CTNND2: variants seen among roughly 807,000 people sequenced by gnomAD.
CTNND2 encodes catenin delta-2.
CTNND2 carries 22 observed loss-of-function variants against 144.4 expected under a neutral mutation model. The ratio of observed to expected loss-of-function variants is 0.15; its 90% CI spans 0.11 to 0.22. The LOEUF (loss-of-function observed/expected upper bound fraction) is 0.22. Among genes scored for constraint, CTNND2 ranks in the 10% least tolerant of loss-of-function variants. CTNND2 has a pLI of 1.00. For synonymous variants in CTNND2, 751 were observed against 695.6 expected (o/e 1.08, Z -1.25); for missense variants, 1,353 against 1,618.8 (o/e 0.84, Z 2.82).
chr5:11,008,406 A>C (rs985067844), intron 18 of CTNND2, among the ~76,000 whole-genome samples: 1 of 152,210 alleles, frequency 6.6e-6, no homozygotes, highest in Non-Finnish European at 1.5e-5. Context: ...TAAGCAAAGA[A>C]ATTTCAAAGA....
At chr5:11,470,893 G>T (rs532093066) in intron 3 of CTNND2, among the ~76,000 whole-genome samples, 1 of 141,844 alleles carries the variant, frequency 7.1e-6, no homozygotes, top group South Asian at 2.3e-4. Context: ...GGCAGAGCTG[G>T]GTTTCAACCA....
intron 3 of CTNND2, among the ~76,000 whole-genome samples, chr5:11,511,483 A>AGG (rs1002826957): frequency 6.6e-6 from 1 of 152,158 alleles, no homozygotes; most frequent in African/African-American, 2.4e-5. Flanking sequence ...ACAAAAACCC[A>AGG]GGACCCCTCA....
chr5:11,185,174 G>A (rs1040411210), intron 11 of CTNND2, among the ~76,000 whole-genome samples: 3 of 152,184 alleles, frequency 2.0e-5, no homozygotes, highest in Non-Finnish European at 4.4e-5. Flanking sequence ...CATTTCAAAT[G>A]TTGCTTTCTT....
chr5:11,288,389 T>G (rs1003786986), intron 9 of CTNND2, among the ~76,000 whole-genome samples: 2 of 151,684 alleles, frequency 1.3e-5, no homozygotes, highest in African/African-American at 4.9e-5. Flanking sequence ...TTTAACACCA[T>G]GTCAATTATG....
chr5:11,890,666 A>G (rs1414320577), intron 1 of CTNND2, among the ~76,000 whole-genome samples: 6 of 152,224 alleles, frequency 3.9e-5, no homozygotes, highest in Non-Finnish European at 7.3e-5. Context: ...TTAATGATCA[A>G]CCTTCGAGGA....
chr5:11,285,088 A>G (rs1580796126), intron 9 of CTNND2, among the ~76,000 whole-genome samples: 1 of 152,180 alleles, frequency 6.6e-6, no homozygotes, highest in Non-Finnish European at 1.5e-5. Context: ...GAGAACTCCC[A>G]CCTTTGATAT....
At chr5:11,529,811 G>C (rs1773575072) in intron 3 of CTNND2, among the ~76,000 whole-genome samples, 2 of 152,018 alleles carry the variant, frequency 1.3e-5, no homozygotes, top group African/African-American at 4.8e-5. Context: ...GGATTTGAGA[G>C]ATCTTGCCTT....
chr5:11,145,654 G>A (rs1757169475), intron 12 of CTNND2, among the ~76,000 whole-genome samples: 2 of 152,108 alleles, frequency 1.3e-5, no homozygotes, highest in Non-Finnish European at 1.5e-5. Context: ...CCTTGTCCCT[G>A]CCCCACCTCT....
intron 3 of CTNND2, among the ~76,000 whole-genome samples, chr5:11,422,629 C>G (rs1229259142): frequency 8.0e-6 from 1 of 124,490 alleles, no homozygotes; most frequent in Non-Finnish European, 1.5e-5. Context: ...ACAGCCAAAC[C>G]AGGGAGAATT....
intron 18 of CTNND2, among the ~76,000 whole-genome samples, chr5:11,014,976 T>C (rs530896026): frequency 1.2e-4 from 18 of 152,246 alleles, no homozygotes; most frequent in Non-Finnish European, 2.6e-4. Flanking sequence ...ATTTGTAGTA[T>C]GTAATTCAGA....
chr5:11,579,225 A>G (rs1778219456), intron 2 of CTNND2, among the ~76,000 whole-genome samples: 1 of 151,454 alleles, frequency 6.6e-6, no homozygotes, highest in South Asian at 2.1e-4. Context: ...GGATAGATCC[A>G]TATTTGCATC....
intron 16 of CTNND2, among the ~76,000 whole-genome samples, chr5:11,024,289 T>G (rs1742593075): frequency 6.6e-6 from 1 of 152,180 alleles, no homozygotes; most frequent in Admixed American, 6.5e-5. Context: ...ATTACTGAAA[T>G]AGAAAAGTGT....
Position 10,988,032 on chromosome 5 carries a change from A to T in CTNND2, c.3343+79T>A. On this transcript the variant is annotated intron_variant, in intron 20 of 21. Coordinates refer to ENST00000304623, the MANE Select transcript of CTNND2 (RefSeq NM_001332.4). This position sits in a 1 kb window ranked among gnomAD's most constrained non-coding sequence, Gnocchi z 5.9. Reference sequence around the variant, plus strand: ...GCAGCCAAGCGCAGCCAGCCCCGTGAAGCCTGATGTCCCATATCTCTGCCT... The same window carrying T: ...GCAGCCAAGCGCAGCCAGCCCCGTGTAGCCTGATGTCCCATATCTCTGCCT... 1 of 1,578,766 alleles carries T rather than the reference A, an allele frequency of 6.3e-7. No homozygotes were observed. The highest frequency in any genetic ancestry group is 1.9e-4 in the Middle Eastern group (1 of 5,370).
intron 2 of CTNND2, among the ~76,000 whole-genome samples, chr5:11,713,684 C>T (rs1271808014): frequency 6.6e-6 from 1 of 151,566 alleles, no homozygotes; most frequent in Non-Finnish European, 1.5e-5. Flanking sequence ...TCTGCAACAA[C>T]CTGGATATCA....
At chr5:11,600,705 C>CAAAA (rs755277116) in intron 2 of CTNND2, among the ~76,000 whole-genome samples, 12 of 80,574 alleles carry the variant, frequency 1.5e-4, no homozygotes, top group Admixed American at 1.5e-4. Context: ...GATTCTGTCT[C>CAAAA]AAAAAAAAAA....
At chr5:11,771,210 G>GTTTTT in intron 1 of CTNND2, among the ~76,000 whole-genome samples, 1 of 5,378 alleles carries the variant, frequency 1.9e-4, no homozygotes, top group Non-Finnish European at 5.6e-4. Flanking sequence ...TTTTTTTTTT[G>GTTTTT]GGATGGAGTC....
intron 11 of CTNND2, among the ~76,000 whole-genome samples, chr5:11,184,734 C>T (rs1735442804): frequency 6.6e-6 from 1 of 152,204 alleles, no homozygotes; most frequent in Non-Finnish European, 1.5e-5. Flanking sequence ...ACAGCTGACT[C>T]TGGGTGTGTC....
intron 12 of CTNND2, among the ~76,000 whole-genome samples, chr5:11,153,412 A>T (rs1757932125): frequency 6.6e-6 from 1 of 152,262 alleles, no homozygotes; most frequent in South Asian, 2.1e-4. Flanking sequence ...TAATATTGGC[A>T]GACAACTGAA....
In CTNND2 at chr5:11,887,230, G is replaced by A. The variant is rs1409195376; in HGVS notation, c.37+16587C>T. On this transcript the variant is annotated intron_variant, in intron 1 of 21. Coordinates refer to ENST00000304623, the MANE Select transcript of CTNND2 (RefSeq NM_001332.4). ...GATCTTCTGACCTTGTGATCCGCCC[G>A]CCTCAGCCTCCCAAAGTGCTGGGAT... Among the ~76,000 whole-genome samples, 12 of 151,906 alleles carry A rather than the reference G, an allele frequency of 7.9e-5. 1 individual carries two copies. Among genetic ancestry groups the A allele is most frequent in the South Asian group, 6.2e-4 (3 of 4,814 alleles).
Sources: allele counts gnomAD v4.1 joint callset (sites outside exome capture counted in the v4.1 genomes callset), GRCh38; gene constraint gnomAD v4.1.1; non-coding constraint Gnocchi (gnomAD v3.1); transcripts MANE v1.5; gene names NCBI Gene and HGNC (gene_info 2026-07-23, HGNC 2026-07-21).